The following CSMD1 variants were observed in gnomAD, a reference collection of about 807,000 sequenced individuals.
The protein encoded by CSMD1 is CUB and Sushi multiple domains 1, also known as CUB and sushi domain-containing protein 1.
Under a neutral mutation model 417.5 loss-of-function variants are expected in CSMD1, and 213 were observed. The observed-to-expected ratio is 0.51, with a 90% CI of 0.46 to 0.57. The LOEUF is 0.57. Ranked by LOEUF, CSMD1 falls within the 20% of genes least tolerant of loss-of-function variation. The probability of loss-of-function intolerance (pLI) is 0.00; values close to 1 mark genes in which losing one functional copy is unlikely to be tolerated. For missense variants in CSMD1, 6,923 were observed against 4,529.7 expected (o/e 1.53, Z -15.17); for synonymous variants, 2,862 against 1,736.8 (o/e 1.65, Z -16.11).
chr8:3,275,059 C>G (rs954467281), intron 26 of CSMD1, among the ~76,000 whole-genome samples: 2 of 152,186 alleles, frequency 1.3e-5, no homozygotes, highest in African/African-American at 4.8e-5. Context: ...TTTTGCCGTG[C>G]CTGGTACCTT....
chr8:4,214,054 T>C (rs1247739616), intron 3 of CSMD1, among the ~76,000 whole-genome samples: 1 of 152,182 alleles, frequency 6.6e-6, no homozygotes, highest in Non-Finnish European at 1.5e-5. Context: ...TGCAAAATGA[T>C]CAATAAATAT....
At chr8:4,074,491 C>G (rs1799720621) in intron 3 of CSMD1, among the ~76,000 whole-genome samples, 1 of 152,000 alleles carries the variant, frequency 6.6e-6, no homozygotes, top group Admixed American at 6.6e-5. Flanking sequence ...TTATGAAAAT[C>G]TAAAGTTTGA....
Position 3,407,972 on chromosome 8 carries a change from A to G in CSMD1, c.1998T>C (p.Ser666=). 6.2e-7 allele frequency: 1 copy of G among 1,613,888 alleles called. No individual in the cohort carries two copies. Among genetic ancestry groups the G allele is most frequent in the Non-Finnish European group, 8.5e-7 (1 of 1,179,852 alleles). ...GAAATTCCAAGCGAACTATATGCCCACTGCTGGCCAGCTGGGAAGGCACTT... is the reference window on the plus strand; with the variant it reads ...GAAATTCCAAGCGAACTATATGCCCGCTGCTGGCCAGCTGGGAAGGCACTT... The part of the protein sequence containing the change: ...GNEVPSQLAS[S]GHIVRLEFQS... The change falls in exon 14 of 70, where the codon AGT becomes AGC. Residue 666 remains serine, a synonymous_variant. Coordinates refer to ENST00000635120, the MANE Select transcript of CSMD1 (RefSeq NM_033225.6).
chr8:4,387,677 G>C (rs1166254341), intron 3 of CSMD1, among the ~76,000 whole-genome samples: 1 of 150,620 alleles, frequency 6.6e-6, no homozygotes, highest in East Asian at 1.9e-4. Flanking sequence ...TCAATTAAGG[G>C]CTTTTACAAA....
rs1417114954 is a variant in CSMD1 at position 2,949,460 on chromosome 8, T to C, written c.10315-74A>G. The C allele has an allele frequency of 5.5e-6, 4 of 721,332 alleles. No individual in the cohort carries two copies. The South Asian group carries it at 7.6e-5, about 14-fold the overall frequency. The allele number at this position is 721,332 out of a possible 1,614,324, so 44.7% of individuals were successfully genotyped here. A position where few individuals can be genotyped will look rare whatever the true frequency, so the allele number is the denominator to read the frequency against. ...ATGAATAATATCCTCTTTTAATATA[T>C]CTTTTAATACAACTGTTATATCTCA... On this transcript the variant is annotated intron_variant, in intron 67 of 69. Transcript: ENST00000635120.
chr8:3,379,535 G>A lies in CSMD1; in HGVS notation c.2782+7959C>T, dbSNP rs532638181. Among the ~76,000 whole-genome samples, 9 of 152,232 alleles carry A rather than the reference G, an allele frequency of 5.9e-5. No individual in the cohort carries two copies. In the South Asian group the frequency reaches 6.2e-4, roughly 11 times the overall value. ...ACAGTAACAAAAACAGCAAGGTACTGGTACCAAAGCAGATATATAGACCAA... is the reference window on the plus strand; with the variant it reads ...ACAGTAACAAAAACAGCAAGGTACTAGTACCAAAGCAGATATATAGACCAA... On this transcript the variant is annotated intron_variant, in intron 18 of 69. Transcript: ENST00000635120.
intron 3 of CSMD1, among the ~76,000 whole-genome samples, chr8:4,041,109 C>A (rs1175379109): frequency 2.0e-5 from 3 of 149,954 alleles, no homozygotes; most frequent in African/African-American, 7.3e-5. Context: ...CTCCGCCTCC[C>A]GGGTTCCCGC....
intron 61 of CSMD1, among the ~76,000 whole-genome samples, 159 bp downstream of exon 61, chr8:2,962,307 T>C (rs547989653): frequency 3.6e-4 from 55 of 152,376 alleles, no homozygotes; most frequent in African/African-American, 1.2e-3. Flanking sequence ...GTTTAGCTGA[T>C]GAGTGCGCAA....
chr8:4,267,540 A>C (rs2128847705), intron 3 of CSMD1, among the ~76,000 whole-genome samples: 1 of 151,822 alleles, frequency 6.6e-6, no homozygotes, highest in East Asian at 1.9e-4. Flanking sequence ...CTGCAACTCC[A>C]ATTGTAATAG....
At chr8:4,419,808 G>A (rs1797144705) in intron 3 of CSMD1, 145 bp downstream of exon 3, 1 of 512,390 alleles carries the variant, frequency 2.0e-6, no homozygotes, top group South Asian at 2.6e-5. Context: ...GTTACCAAAT[G>A]CCATTGCATT....
intron 23 of CSMD1, among the ~76,000 whole-genome samples, chr8:3,341,221 C>A (rs1225425054): frequency 6.6e-6 from 1 of 152,006 alleles, no homozygotes; most frequent in African/African-American, 2.4e-5. Flanking sequence ...ATGGAACAAG[C>A]CGACCACCTA....
At chr8:3,693,533 T>C (rs1800370359) in intron 7 of CSMD1, among the ~76,000 whole-genome samples, 1 of 152,164 alleles carries the variant, frequency 6.6e-6, no homozygotes, top group African/African-American at 2.4e-5. Context: ...ATTATACATA[T>C]CGTTACTGAG....
rs73503563 is a variant in CSMD1 at position 3,935,628 on chromosome 8, C to T, written c.818+62275G>A. ...TAACTATTGTAATTGTTTGGGGGCC[C>T]CATATGTGTCCATATAAGTGGTAAA... On this transcript the variant is annotated intron_variant, in intron 5 of 69. Transcript: ENST00000635120. Among the ~76,000 whole-genome samples, 592 of 152,158 alleles carry T rather than the reference C, an allele frequency of 3.9e-3. 7 individuals carry two copies. Among genetic ancestry groups the T allele is most frequent in the African/African-American group, 0.014 (576 of 41,508 alleles).
intron 2 of CSMD1, among the ~76,000 whole-genome samples, chr8:4,592,324 T>G (rs1800032554): frequency 6.6e-6 from 1 of 151,804 alleles, no homozygotes; most frequent in Non-Finnish European, 1.5e-5. Context: ...TGCTTTTAAA[T>G]TATTCCATTA....
At chr8:3,644,068 TAAGA>T (rs1348026169) in intron 7 of CSMD1, among the ~76,000 whole-genome samples, 1 of 152,190 alleles carries the variant, frequency 6.6e-6, no homozygotes, top group East Asian at 1.9e-4. Context: ...CTTTTATCTT[TAAGA>T]AAGTGCTCCA....
At chr8:4,023,882 G>C (rs958457212) in intron 4 of CSMD1, among the ~76,000 whole-genome samples, 73 of 149,310 alleles carry the variant, frequency 4.9e-4, no homozygotes, top group Middle Eastern at 3.6e-3. Context: ...CTCCCAAAGT[G>C]CTGGGATTAC....
intron 3 of CSMD1, among the ~76,000 whole-genome samples, chr8:4,144,380 G>A (rs1057099335): frequency 6.6e-6 from 1 of 151,078 alleles, no homozygotes; most frequent in South Asian, 2.1e-4. Flanking sequence ...TGTGTTTTTA[G>A]AACTTAATTT....
rs368619903 is a variant in CSMD1 at position 3,409,470 on chromosome 8, G to C, written c.1697C>G (p.Thr566Ser). ...AGACCACTGATTGTTCTGCTGACAG[G>C]TGATAACTCTCTCCCCCACCAGCTC... ...AFELVGERVI[T>S]CQQNNQWSGN... is the part of the protein sequence containing the mutation. Residue 566 changes from threonine to serine, a missense_variant, in exon 13 of 70, where the codon ACC becomes AGC. Physicochemically the swap from Thr to Ser is moderately conservative, Grantham distance 58. Coordinates refer to ENST00000635120, the MANE Select transcript of CSMD1 (RefSeq NM_033225.6). The C allele has an allele frequency of 1.2e-5, 19 of 1,611,630 alleles. No homozygotes were observed. The African/African-American group carries it at 2.1e-4, about 18-fold the overall frequency.
intron 3 of CSMD1, among the ~76,000 whole-genome samples, chr8:4,088,328 T>G (rs933899626): frequency 6.6e-6 from 1 of 152,230 alleles, no homozygotes; most frequent in African/African-American, 2.4e-5. Context: ...ACTTTTGATT[T>G]ACCATACTGG....
Sources: allele counts gnomAD v4.1 joint callset (sites outside exome capture counted in the v4.1 genomes callset), GRCh38; gene constraint gnomAD v4.1.1; transcripts MANE v1.5; gene names NCBI Gene and HGNC (gene_info 2026-07-23, HGNC 2026-07-21).